The following PRKG1 variants were observed in gnomAD, a reference collection of about 807,000 sequenced individuals.
PRKG1 encodes protein kinase cGMP-dependent 1.
A neutral mutation model predicts 88.1 loss-of-function variants in PRKG1; 35 were observed. The observed-to-expected ratio is 0.40, with a 90% CI of 0.30 to 0.53. PRKG1 has a LOEUF of 0.53. PRKG1 is among the 20% of genes least tolerant of loss of function. The probability of loss-of-function intolerance (pLI) is 0.59; values close to 1 mark genes in which losing one functional copy is unlikely to be tolerated. For synonymous variants in PRKG1, 303 were observed against 292.5 expected, an observed-to-expected ratio of 1.04 and a Z score of -0.37; for missense variants, 540 against 839.8, an observed-to-expected ratio of 0.64 and a Z score of 4.41.
intron 3 of PRKG1, among the ~76,000 whole-genome samples, chr10:51,670,043 G>T (rs55693631): frequency 0.14 from 21,567 of 151,938 alleles, 1,807 homozygotes; most frequent in Non-Finnish European, 0.2. Flanking sequence ...ATATTTTAAG[G>T]CTGTATTAGT....
At chr10:51,617,087 G>A (rs140427732) in intron 3 of PRKG1, among the ~76,000 whole-genome samples, 192 of 152,258 alleles carry the variant, frequency 1.3e-3, no homozygotes, top group African/African-American at 4.4e-3. Context: ...TCTCTCAGCA[G>A]CTCTGTATGT....
intron 4 of PRKG1, among the ~76,000 whole-genome samples, chr10:51,890,654 A>G (rs1220609572): frequency 6.6e-6 from 1 of 152,216 alleles, no homozygotes; most frequent in Non-Finnish European, 1.5e-5. Context: ...TAGAGAAGAA[A>G]TATTCATATT....
chr10:51,952,897 C>T (rs951468358), intron 5 of PRKG1, among the ~76,000 whole-genome samples: 2 of 152,146 alleles, frequency 1.3e-5, no homozygotes, highest in African/African-American at 2.4e-5. Flanking sequence ...GTTGCCATGT[C>T]TAATACAGAG....
At chr10:51,361,149 A>G (rs1258973195) in intron 2 of PRKG1, among the ~76,000 whole-genome samples, 1 of 151,870 alleles carries the variant, frequency 6.6e-6, no homozygotes, top group African/African-American at 2.4e-5. Flanking sequence ...TTTTTGGTAT[A>G]TGATGTCCAA....
chr10:51,627,949 T>TTCCTTC (rs1564579619), intron 3 of PRKG1, among the ~76,000 whole-genome samples: 34 of 49,060 alleles, frequency 6.9e-4, no homozygotes, highest in African/African-American at 1.2e-3. Context: ...TTCCTTTCTT[T>TTCCTTC]CTTTCTTTCT....
intron 3 of PRKG1, among the ~76,000 whole-genome samples, chr10:51,481,639 A>G (rs547569355): frequency 2.1e-4 from 32 of 152,300 alleles, no homozygotes; most frequent in African/African-American, 7.7e-4. Flanking sequence ...TTAAATCCCA[A>G]GTAACTCATT....
chr10:51,519,173 T>C (rs902932950), intron 3 of PRKG1, among the ~76,000 whole-genome samples: 2 of 152,178 alleles, frequency 1.3e-5, no homozygotes, highest in African/African-American at 4.8e-5. Flanking sequence ...TATGTGGCAT[T>C]TTTTCTAAAT....
At chr10:52,024,652 C>T (rs1294240838) in intron 5 of PRKG1, among the ~76,000 whole-genome samples, 1 of 152,140 alleles carries the variant, frequency 6.6e-6, no homozygotes. Context: ...CTACAAAGGA[C>T]ATGAACTCAT....
At chr10:51,846,930 C>T (rs937338277) in intron 4 of PRKG1, among the ~76,000 whole-genome samples, 2 of 152,058 alleles carry the variant, frequency 1.3e-5, no homozygotes, top group African/African-American at 4.8e-5. Context: ...AAAATATATA[C>T]ATCAAGTGCT....
chr10:52,138,341 A>T (rs1837483888), intron 8 of PRKG1, among the ~76,000 whole-genome samples: 2 of 152,152 alleles, frequency 1.3e-5, no homozygotes, highest in Non-Finnish European at 1.5e-5. Flanking sequence ...TTCACCTCTG[A>T]TAATGTCAAG....
At chr10:52,099,329 A>G (rs1847244284) in intron 7 of PRKG1, among the ~76,000 whole-genome samples, 1 of 152,200 alleles carries the variant, frequency 6.6e-6, no homozygotes, top group Non-Finnish European at 1.5e-5. Flanking sequence ...GTGTCCTGAA[A>G]GAGAGTTACG....
intron 4 of PRKG1, among the ~76,000 whole-genome samples, chr10:51,891,999 T>A (rs1589394504): frequency 6.6e-6 from 1 of 152,204 alleles, no homozygotes; most frequent in East Asian, 1.9e-4. Flanking sequence ...GGCTGAATTT[T>A]ATCTTAAAAA....
chr10:51,629,564 A>G (rs1330242188), intron 3 of PRKG1, among the ~76,000 whole-genome samples: 1 of 151,978 alleles, frequency 6.6e-6, no homozygotes, highest in African/African-American at 2.4e-5. Context: ...TCACAAACAT[A>G]AGATGTTGGA....
chr10:51,445,349 G>A (rs1839239634), intron 2 of PRKG1, among the ~76,000 whole-genome samples: 1 of 151,802 alleles, frequency 6.6e-6, no homozygotes, highest in Non-Finnish European at 1.5e-5. Context: ...ACATCTTTGT[G>A]TTCCTAGTTA....
intron 3 of PRKG1, among the ~76,000 whole-genome samples, chr10:51,489,142 A>T (rs1334323356): frequency 6.6e-6 from 1 of 152,112 alleles, no homozygotes; most frequent in Non-Finnish European, 1.5e-5. Context: ...AGAAACAGCT[A>T]GCCTTCAAAG....
intron 5 of PRKG1, among the ~76,000 whole-genome samples, chr10:51,948,239 C>A (rs981141872): frequency 3.9e-5 from 6 of 152,014 alleles, no homozygotes; most frequent in Admixed American, 1.3e-4. Context: ...ATACATAGAA[C>A]AATTTCTTCT....
At chr10:51,831,437 A>T (rs907939013) in intron 4 of PRKG1, among the ~76,000 whole-genome samples, 5 of 152,192 alleles carry the variant, frequency 3.3e-5, no homozygotes, top group African/African-American at 1.2e-4. Flanking sequence ...CTACCAGCCA[A>T]GAAAATGTAA....
At chr10:50,997,322 A>G (rs1842846104) in intron 1 of PRKG1, among the ~76,000 whole-genome samples, 2 of 152,236 alleles carry the variant, frequency 1.3e-5, no homozygotes, top group African/African-American at 4.8e-5. Context: ...TTTCTAATAC[A>G]CCAGGAGTTC....
intron 7 of PRKG1, among the ~76,000 whole-genome samples, chr10:52,123,512 A>G (rs1589626990): frequency 6.6e-6 from 1 of 152,252 alleles, no homozygotes; most frequent in South Asian, 2.1e-4. Flanking sequence ...TCATAAGTTG[A>G]TATATATTCT....
Sources: gnomAD v4.1 joint callset for allele counts (sites outside exome capture counted in the v4.1 genomes callset) on GRCh38, gnomAD v4.1.1 for gene constraint, MANE v1.5 for transcripts, NCBI Gene and HGNC (gene_info 2026-07-23, HGNC 2026-07-21) for gene names.